The following SLC4A10 variants were observed in gnomAD, a reference collection of about 807,000 sequenced individuals.
The protein encoded by SLC4A10 is sodium-driven chloride bicarbonate exchanger.
Under a neutral mutation model 137.7 loss-of-function variants are expected in SLC4A10, and 42 were observed. The ratio of observed to expected loss-of-function variants is 0.30; its 90% CI spans 0.24 to 0.39. SLC4A10 has a LOEUF of 0.39. Among genes scored for constraint, SLC4A10 ranks in the 10% least tolerant of loss-of-function variants. The probability of loss-of-function intolerance (pLI) is 1.00; values close to 1 mark genes in which losing one functional copy is unlikely to be tolerated. For missense variants in SLC4A10, 925 were observed against 1,355.0 expected, an observed-to-expected ratio of 0.68 and a Z score of 4.98; for synonymous variants, 474 against 464.1, an observed-to-expected ratio of 1.02 and a Z score of -0.27.
intron 16 of SLC4A10, among the ~76,000 whole-genome samples, chr2:161,943,619 T>A (rs181257301): frequency 6.6e-6 from 1 of 152,170 alleles, no homozygotes; most frequent in East Asian, 1.9e-4. Flanking sequence ...ATCTTGTAAT[T>A]TGAAAATGTG....
intron 15 of SLC4A10, among the ~76,000 whole-genome samples, chr2:161,917,970 A>G (rs1687431038): frequency 6.6e-6 from 1 of 152,222 alleles, no homozygotes; most frequent in East Asian, 1.9e-4. Flanking sequence ...CAAGTGAAAG[A>G]GCTAAGGTAA....
At chr2:161,875,261 T>A (rs568659785) in intron 8 of SLC4A10, among the ~76,000 whole-genome samples, 90 of 152,320 alleles carry the variant, frequency 5.9e-4, no homozygotes, top group African/African-American at 2.1e-3. Flanking sequence ...TTTAGCCTTA[T>A]GATTTTAGTT....
chr2:161,849,721 T>C (rs2059715231), intron 4 of SLC4A10, among the ~76,000 whole-genome samples: 1 of 152,224 alleles, frequency 6.6e-6, no homozygotes, highest in African/African-American at 2.4e-5. Flanking sequence ...TTGCATATGT[T>C]GAACCAAACT....
At chr2:161,917,324 C>T (rs1687290593) in intron 15 of SLC4A10, among the ~76,000 whole-genome samples, 1 of 151,918 alleles carries the variant, frequency 6.6e-6, no homozygotes, top group African/African-American at 2.4e-5. Flanking sequence ...ACATGCAGGT[C>T]TTTATTTGGA....
chr2:161,764,919 A>G (rs938797805), intron 1 of SLC4A10, among the ~76,000 whole-genome samples: 4 of 152,184 alleles, frequency 2.6e-5, no homozygotes, highest in African/African-American at 7.2e-5. Context: ...GTTAACTTGA[A>G]AAGTAATGAA....
intron 1 of SLC4A10, 90 bp downstream of exon 1, chr2:161,624,656 A>ACT (rs1404222323): frequency 2.6e-6 from 4 of 1,530,090 alleles, no homozygotes; most frequent in Admixed American, 3.9e-5. Context: ...CAGCGAGTGT[A>ACT]CTTTTGGGGT....
chr2:161,774,014 A>T (rs1395485375), intron 2 of SLC4A10, among the ~76,000 whole-genome samples: 1 of 151,476 alleles, frequency 6.6e-6, no homozygotes. Context: ...TCTCCTATGT[A>T]CTGTGGACTG....
Position 161,771,636 on chromosome 2 carries a change from G to T in SLC4A10, c.130+582G>T, listed in dbSNP as rs143573055. Among the ~76,000 whole-genome samples, 24 of 151,880 alleles carry T rather than the reference G, an allele frequency of 1.6e-4. No individual in the cohort carries two copies. In the East Asian group the frequency reaches 4.7e-3, roughly 30 times the overall value. On this transcript the variant is annotated intron_variant, in intron 2 of 26. Coordinates refer to ENST00000446997, the MANE Select transcript of SLC4A10 (RefSeq NM_001178015.2). The stretch of plus-strand genomic sequence containing the variant: ...TTACTTACCTTTTCTGAACCTCAGG[G>T]TCCTGAACTATTAAAGCAAGGATAA...
intron 15 of SLC4A10, among the ~76,000 whole-genome samples, chr2:161,921,368 G>GCCAT (rs1206197370): frequency 6.6e-6 from 1 of 152,088 alleles, no homozygotes; most frequent in Non-Finnish European, 1.5e-5. Context: ...TGGTACAAAG[G>GCCAT]CCATCATGGA....
chr2:161,688,760 T>C (rs1192451957), intron 1 of SLC4A10, among the ~76,000 whole-genome samples: 1 of 152,190 alleles, frequency 6.6e-6, no homozygotes, highest in African/African-American at 2.4e-5. Context: ...AGTGGGAAAA[T>C]CATGATAACG....
chr2:161,947,004 A>T (rs898098482), intron 16 of SLC4A10, among the ~76,000 whole-genome samples: 1 of 152,078 alleles, frequency 6.6e-6, no homozygotes, highest in South Asian at 2.1e-4. Context: ...GTTCTTAGTC[A>T]ATAAGCAATA....
chr2:161,878,729 T>C (rs2061579606), intron 8 of SLC4A10, among the ~76,000 whole-genome samples: 1 of 152,100 alleles, frequency 6.6e-6, no homozygotes, highest in Non-Finnish European at 1.5e-5. Context: ...CATATTTGAG[T>C]ATCAATTAAA....
chr2:161,829,079 G>A (rs895695626), intron 3 of SLC4A10, among the ~76,000 whole-genome samples: 2 of 151,386 alleles, frequency 1.3e-5, no homozygotes, highest in Non-Finnish European at 1.5e-5. Context: ...CTTAATGCTG[G>A]TGTGGCCTGA....
chr2:161,660,173 T>C (rs1188896385), intron 1 of SLC4A10, among the ~76,000 whole-genome samples: 1 of 152,194 alleles, frequency 6.6e-6, no homozygotes, highest in African/African-American at 2.4e-5. Flanking sequence ...GTATATGAAT[T>C]ACATCTCAAT....
At chr2:161,948,272 A>T (rs1165480688) in intron 17 of SLC4A10, among the ~76,000 whole-genome samples, 1 of 152,090 alleles carries the variant, frequency 6.6e-6, no homozygotes, top group African/African-American at 2.4e-5. Flanking sequence ...AAAAAAATTT[A>T]AAAAAAGGAA....
chr2:161,900,900 A>G lies in SLC4A10; in HGVS notation c.1342-11A>G. 6.6e-7 allele frequency: 1 copy of G among 1,511,802 alleles called. No individual in the cohort carries two copies. Among genetic ancestry groups the G allele is most frequent in the Non-Finnish European group, 8.9e-7 (1 of 1,128,236 alleles). 93.6% of individuals were successfully genotyped at this position (1,511,802 alleles called of 1,614,324 possible). On this transcript the variant is annotated splice_polypyrimidine_tract_variant and intron_variant, in intron 11 of 26. Coordinates refer to ENST00000446997, the MANE Select transcript of SLC4A10 (RefSeq NM_001178015.2). The stretch of plus-strand genomic sequence containing the variant: ...ACAAAACAAAACACATGAACAAAAA[A>G]CTCTCCACAGGAGAAGAGGAAGATT...
intron 26 of SLC4A10, among the ~76,000 whole-genome samples, chr2:161,981,127 A>G (rs1208407187): frequency 1.3e-5 from 2 of 152,248 alleles, no homozygotes; most frequent in Non-Finnish European, 2.9e-5. Context: ...AGTCAGGAGG[A>G]AGCACATCTA....
chr2:161,664,805 T>C (rs971382293), intron 1 of SLC4A10, among the ~76,000 whole-genome samples: 1 of 151,742 alleles, frequency 6.6e-6, no homozygotes, highest in African/African-American at 2.4e-5. Flanking sequence ...CTATCTCCTT[T>C]AGCTTACTTG....
chr2:161,781,295 G>C (rs1245054740), intron 2 of SLC4A10, among the ~76,000 whole-genome samples: 3 of 152,058 alleles, frequency 2.0e-5, no homozygotes, highest in Non-Finnish European at 2.9e-5. Flanking sequence ...GGAAGTATCA[G>C]TGGTGTGCTT....
Sources: allele counts gnomAD v4.1 joint callset (sites outside exome capture counted in the v4.1 genomes callset), GRCh38; gene constraint gnomAD v4.1.1; transcripts MANE v1.5; gene names NCBI Gene and HGNC (gene_info 2026-07-23, HGNC 2026-07-21).